The following DIAPH3 variants were observed in gnomAD, a reference collection of about 807,000 sequenced individuals.
DIAPH3 encodes the protein diaphanous related formin 3.
DIAPH3 carries 117 observed loss-of-function variants against 144.3 expected under a neutral mutation model. The ratio of observed to expected loss-of-function variants is 0.81; its 90% CI spans 0.70 to 0.95. The LOEUF (loss-of-function observed/expected upper bound fraction) is 0.95, where lower values mean the gene tolerates loss of function less well. DIAPH3 is among the 40% of genes least tolerant of loss of function. The pLI is 0.00. For synonymous variants in DIAPH3, 519 were observed against 488.9 expected (o/e 1.06, Z -0.81); for missense variants, 1,421 against 1,412.7 (o/e 1.01, Z -0.09).
intron 12 of DIAPH3, among the ~76,000 whole-genome samples, chr13:59,990,441 A>G (rs2140806601): frequency 6.6e-6 from 1 of 152,080 alleles, no homozygotes; most frequent in East Asian, 1.9e-4. Flanking sequence ...TGGTGGCAAC[A>G]AAATGATTTT....
intron 2 of DIAPH3, among the ~76,000 whole-genome samples, chr13:60,114,723 T>C (rs781692128): frequency 2.0e-5 from 3 of 150,642 alleles, no homozygotes; most frequent in Non-Finnish European, 3.0e-5. Flanking sequence ...GTCAAACTGC[T>C]GAAAGTTAAA....
chr13:59,868,684 C>T (rs1253534831), intron 21 of DIAPH3, among the ~76,000 whole-genome samples: 1 of 151,960 alleles, frequency 6.6e-6, no homozygotes, highest in African/African-American at 2.4e-5. Flanking sequence ...ATAGTTTTAC[C>T]ACCCTAAAAA....
chr13:59,706,190 G>GT (rs1339090607), intron 27 of DIAPH3, among the ~76,000 whole-genome samples: 1 of 152,060 alleles, frequency 6.6e-6, no homozygotes, highest in African/African-American at 2.4e-5. Context: ...ACACTGTATT[G>GT]TTTAAGGAAT....
intron 22 of DIAPH3, among the ~76,000 whole-genome samples, chr13:59,851,433 C>A (rs977188825): frequency 6.6e-6 from 1 of 152,156 alleles, no homozygotes; most frequent in Non-Finnish European, 1.5e-5. Context: ...ACCACTCAAT[C>A]TAAAACTGCA....
At chr13:60,102,838 C>A (rs1176252471) in intron 3 of DIAPH3, among the ~76,000 whole-genome samples, 2 of 152,180 alleles carry the variant, frequency 1.3e-5, no homozygotes, top group African/African-American at 2.4e-5. Flanking sequence ...AGACTCACTT[C>A]ATCATCTATT....
At chr13:60,137,253 A>G (rs900007778) in intron 1 of DIAPH3, among the ~76,000 whole-genome samples, 10 of 152,268 alleles carry the variant, frequency 6.6e-5, no homozygotes, top group South Asian at 6.2e-4. Context: ...AGTCGGGGGG[A>G]AAAAAGTAGA....
chr13:59,688,043 A>T (rs2033305401), intron 27 of DIAPH3, among the ~76,000 whole-genome samples: 1 of 152,084 alleles, frequency 6.6e-6, no homozygotes, highest in African/African-American at 2.4e-5. Flanking sequence ...CAAAATCAAT[A>T]CCAAAGATTT....
At chr13:59,738,706 C>A (rs1198334830) in intron 27 of DIAPH3, among the ~76,000 whole-genome samples, 1 of 152,202 alleles carries the variant, frequency 6.6e-6, no homozygotes, top group East Asian at 1.9e-4. Flanking sequence ...AAAATCTACT[C>A]CTTCACATAA....
intron 27 of DIAPH3, among the ~76,000 whole-genome samples, chr13:59,679,999 G>C (rs1200935479): frequency 1.3e-5 from 2 of 152,128 alleles, no homozygotes; most frequent in Non-Finnish European, 2.9e-5. Flanking sequence ...GCATCTGTTA[G>C]TTCAGTGGTT....
intron 3 of DIAPH3, among the ~76,000 whole-genome samples, chr13:60,104,469 T>C (rs1198387537): frequency 6.6e-6 from 1 of 151,892 alleles, no homozygotes; most frequent in African/African-American, 2.4e-5. Flanking sequence ...TCATAAACAC[T>C]ATTTTTTGGC....
intron 9 of DIAPH3, among the ~76,000 whole-genome samples, chr13:60,005,635 C>T (rs1358291915): frequency 6.6e-6 from 1 of 152,098 alleles, no homozygotes; most frequent in African/African-American, 2.4e-5. Flanking sequence ...CACCCACCAC[C>T]ATGCCCGGCT....
At chr13:59,865,393 T>C (rs989976217) in intron 21 of DIAPH3, among the ~76,000 whole-genome samples, 3 of 152,040 alleles carry the variant, frequency 2.0e-5, no homozygotes, top group African/African-American at 7.2e-5. Flanking sequence ...TATGTAAACT[T>C]TGTAACGCTA....
chr13:59,867,430 A>G, intron 21 of DIAPH3, among the ~76,000 whole-genome samples: 1 of 152,164 alleles, frequency 6.6e-6, no homozygotes, highest in East Asian at 1.9e-4. Context: ...ATTAGATACT[A>G]AGGCATATAA....
chr13:59,788,615 A>G (rs2039158215), intron 25 of DIAPH3, among the ~76,000 whole-genome samples: 1 of 152,230 alleles, frequency 6.6e-6, no homozygotes. Context: ...GAAACAAACT[A>G]AATGTCCATC....
At chr13:59,796,715 C>G (rs1292618785) in intron 25 of DIAPH3, among the ~76,000 whole-genome samples, 1 of 152,034 alleles carries the variant, frequency 6.6e-6, no homozygotes. Flanking sequence ...TAATTTTAAA[C>G]TAAATTCATC....
At chr13:59,676,803 T>C (rs2032666960) in intron 27 of DIAPH3, among the ~76,000 whole-genome samples, 1 of 152,168 alleles carries the variant, frequency 6.6e-6, no homozygotes, top group Non-Finnish European at 1.5e-5. Flanking sequence ...TTAATAAGAA[T>C]CTGCTTAAAA....
At chr13:59,891,661 C>T (rs956339240) in intron 20 of DIAPH3, among the ~76,000 whole-genome samples, 1 of 151,992 alleles carries the variant, frequency 6.6e-6, no homozygotes, top group Non-Finnish European at 1.5e-5. Flanking sequence ...AGTTAATCTT[C>T]AGCTATTAAA....
At chr13:60,074,084 T>G (rs1167636850) in intron 4 of DIAPH3, among the ~76,000 whole-genome samples, 2 of 152,212 alleles carry the variant, frequency 1.3e-5, no homozygotes, top group African/African-American at 2.4e-5. Context: ...AGATGCTTGT[T>G]GCAGTGCTTA....
chr13:60,030,131 C>T (rs2054679873), intron 5 of DIAPH3, among the ~76,000 whole-genome samples: 2 of 152,116 alleles, frequency 1.3e-5, no homozygotes, highest in African/African-American at 4.8e-5. Context: ...CCATTAATTA[C>T]TCTCAGTCCT....
Sources: gnomAD v4.1 joint callset for allele counts (sites outside exome capture counted in the v4.1 genomes callset) on GRCh38, gnomAD v4.1.1 for gene constraint, MANE v1.5 for transcripts, NCBI Gene and HGNC (gene_info 2026-07-23, HGNC 2026-07-21) for gene names.